The following JAKMIP2 variants were observed in gnomAD, a reference collection of about 807,000 sequenced individuals.
JAKMIP2 encodes the protein janus kinase and microtubule-interacting protein 2.
Under a neutral mutation model 115.0 loss-of-function variants are expected in JAKMIP2, and 25 were observed. The observed-to-expected ratio is 0.22, with a 90% CI of 0.16 to 0.30. The LOEUF (loss-of-function observed/expected upper bound fraction) is 0.30, where lower values mean the gene tolerates loss of function less well. Among genes scored for constraint, JAKMIP2 ranks in the 10% least tolerant of loss-of-function variants. The probability of loss-of-function intolerance (pLI) is 1.00; values close to 1 mark genes in which losing one functional copy is unlikely to be tolerated. For synonymous variants in JAKMIP2, 334 were observed against 343.6 expected (o/e 0.97, Z 0.31); for missense variants, 642 against 957.6 (o/e 0.67, Z 4.35).
intron 2 of JAKMIP2, among the ~76,000 whole-genome samples, chr5:147,666,367 C>A (rs1759299456): frequency 6.6e-6 from 1 of 151,968 alleles, no homozygotes; most frequent in African/African-American, 2.4e-5. Context: ...GATGATAATA[C>A]TTTGAAATGA....
At chr5:147,769,437 T>C (rs1297697736) in intron 1 of JAKMIP2, among the ~76,000 whole-genome samples, 1 of 152,136 alleles carries the variant, frequency 6.6e-6, no homozygotes, top group Non-Finnish European at 1.5e-5. Flanking sequence ...TGTCATGTAA[T>C]AATCCTTGTT....
chr5:147,753,730 GT>G (rs532669892), intron 1 of JAKMIP2, among the ~76,000 whole-genome samples: 168 of 152,088 alleles, frequency 1.1e-3, no homozygotes, highest in Admixed American at 2.9e-3. Flanking sequence ...CTTCCTTGTG[GT>G]AGAAAAGCTA....
intron 20 of JAKMIP2, among the ~76,000 whole-genome samples, chr5:147,611,503 C>T (rs1024557835): frequency 1.3e-5 from 2 of 152,158 alleles, no homozygotes; most frequent in Non-Finnish European, 2.9e-5. Context: ...GCTTGCCCTC[C>T]GTGGGCTGCA....
intron 1 of JAKMIP2, among the ~76,000 whole-genome samples, chr5:147,675,782 C>CTTTTTTTTTTTT (rs1561531706): frequency 7.9e-6 from 1 of 126,800 alleles, no homozygotes; most frequent in Non-Finnish European, 1.6e-5. Flanking sequence ...AATCATATGA[C>CTTTTTTTTTTTT]ATTTTTTTTT....
chr5:147,746,144 C>T (rs1754339386), intron 1 of JAKMIP2, among the ~76,000 whole-genome samples: 1 of 152,236 alleles, frequency 6.6e-6, no homozygotes, highest in African/African-American at 2.4e-5. Flanking sequence ...TTAGAAAGAA[C>T]TGGACTTTTG....
At chr5:147,602,531 T>C (rs1189394654) in intron 20 of JAKMIP2, among the ~76,000 whole-genome samples, 3 of 152,220 alleles carry the variant, frequency 2.0e-5, no homozygotes, top group Admixed American at 1.3e-4. Context: ...GATAGACTTC[T>C]TCTTATTTGA....
intron 21 of JAKMIP2, among the ~76,000 whole-genome samples, chr5:147,599,435 G>T (rs1755578371): frequency 6.6e-6 from 1 of 152,124 alleles, no homozygotes; most frequent in African/African-American, 2.4e-5. Flanking sequence ...CCATTTTACT[G>T]CATATGCAAT....
intron 1 of JAKMIP2, among the ~76,000 whole-genome samples, chr5:147,768,063 C>G (rs949969623): frequency 5.3e-5 from 8 of 152,142 alleles, no homozygotes; most frequent in Non-Finnish European, 1.2e-4. Flanking sequence ...GTTACAAAAC[C>G]CCTACACACA....
At position 147,638,595 on chromosome 5, in the gene JAKMIP2, C is replaced by T. The variant is rs145623395; in HGVS notation, c.1530+1037G>A. ...GCTACTGTTGAAAAATGTATAACTG[C>T]GTTACATCTACCCTTTCCCACTGAA... On this transcript the variant is annotated intron_variant, in intron 10 of 21. Coordinates refer to ENST00000616793, the MANE Select transcript of JAKMIP2 (RefSeq NM_001270941.2). 4.8e-3 allele frequency among the ~76,000 whole-genome samples: 723 copies of T among 152,032 alleles called. 3 individuals carry two copies. The highest frequency in any genetic ancestry group is 0.015 in the African/African-American group (638 of 41,486).
chr5:147,680,808 A>G lies in JAKMIP2; in HGVS notation c.-148-8854T>C, dbSNP rs915208842. 3.3e-5 allele frequency among the ~76,000 whole-genome samples: 5 copies of G among 152,354 alleles called. No individual in the cohort carries two copies. In the East Asian group the frequency reaches 9.7e-4, roughly 29 times the overall value. Reference sequence around the variant, plus strand: ...AGAGGGCTGCTATTTAAGCCAGTCCAACATTGAAGTTCTACCTTCTCTTAA... The same window carrying G: ...AGAGGGCTGCTATTTAAGCCAGTCCGACATTGAAGTTCTACCTTCTCTTAA... On this transcript the variant is annotated intron_variant, in intron 1 of 21. Transcript: ENST00000616793.
At chr5:147,702,077 C>T (rs755471182) in intron 1 of JAKMIP2, among the ~76,000 whole-genome samples, 50 of 152,244 alleles carry the variant, frequency 3.3e-4, no homozygotes, top group African/African-American at 1.0e-3. Flanking sequence ...ACACAAAAGT[C>T]GAAACATGAT....
intron 1 of JAKMIP2, among the ~76,000 whole-genome samples, chr5:147,677,723 G>A (rs1024118405): frequency 2.0e-5 from 3 of 152,174 alleles, no homozygotes; most frequent in African/African-American, 7.2e-5. Flanking sequence ...CAAAAAGTAT[G>A]TATTTATGGT....
chr5:147,681,537 T>C (rs1180789503), intron 1 of JAKMIP2, among the ~76,000 whole-genome samples: 4 of 152,200 alleles, frequency 2.6e-5, no homozygotes, highest in African/African-American at 9.7e-5. Context: ...TCTTACAGCA[T>C]TCATCACTGA....
chr5:147,592,719 G>C (rs1366740814), intron 21 of JAKMIP2, among the ~76,000 whole-genome samples: 1 of 152,082 alleles, frequency 6.6e-6, no homozygotes, highest in Non-Finnish European at 1.5e-5. Flanking sequence ...TATAAAATAA[G>C]GATACTGATT....
At chr5:147,777,011 A>G (rs1755583954) in intron 1 of JAKMIP2, among the ~76,000 whole-genome samples, 1 of 152,158 alleles carries the variant, frequency 6.6e-6, no homozygotes, top group Admixed American at 6.5e-5. Context: ...ACTAACATGA[A>G]TCTGAAACAG....
intron 17 of JAKMIP2, among the ~76,000 whole-genome samples, chr5:147,622,086 C>G (rs1359486613): frequency 6.6e-6 from 1 of 152,104 alleles, no homozygotes; most frequent in African/African-American, 2.4e-5. Flanking sequence ...AGGCTGGTCT[C>G]GAACTCCTGA....
chr5:147,705,996 C>A (rs1047907139), intron 1 of JAKMIP2, among the ~76,000 whole-genome samples: 4 of 152,084 alleles, frequency 2.6e-5, no homozygotes, highest in Admixed American at 2.0e-4. Context: ...AGACACTCTG[C>A]TAGGAATTTA....
chr5:147,675,097 T>A (rs1389472921), intron 1 of JAKMIP2, among the ~76,000 whole-genome samples: 1 of 152,206 alleles, frequency 6.6e-6, no homozygotes, highest in African/African-American at 2.4e-5. Flanking sequence ...GTAGCAAAAA[T>A]GTGCAAAGGG....
At chr5:147,602,126 G>C (rs1755728385) in intron 20 of JAKMIP2, among the ~76,000 whole-genome samples, 1 of 152,156 alleles carries the variant, frequency 6.6e-6, no homozygotes, top group African/African-American at 2.4e-5. Flanking sequence ...CAATTTTATG[G>C]CACAGTGAGG....
Sources: allele counts gnomAD v4.1 joint callset (sites outside exome capture counted in the v4.1 genomes callset), GRCh38; gene constraint gnomAD v4.1.1; transcripts MANE v1.5; gene names NCBI Gene and HGNC (gene_info 2026-07-23, HGNC 2026-07-21).